PDE4D: variants seen among roughly 807,000 people sequenced by gnomAD.
PDE4D encodes the protein 3',5'-cyclic-AMP phosphodiesterase 4D.
PDE4D carries 24 observed loss-of-function variants against 87.4 expected under a neutral mutation model. The observed-to-expected ratio is 0.27, with a 90% CI of 0.20 to 0.39. The LOEUF is 0.39. Ranked by LOEUF, PDE4D falls within the 10% of genes least tolerant of loss-of-function variation. The pLI is 1.00. For missense variants in PDE4D, 714 were observed against 1,041.0 expected (o/e 0.69, Z 4.32); for synonymous variants, 384 against 383.2 (o/e 1.00, Z -0.02).
chr5:60,335,210 G>A (rs1757643183), intron 1 of PDE4D: 1 of 152,240 alleles, frequency 6.6e-6, no homozygotes, highest in African/African-American at 2.4e-5. Flanking sequence ...TTGCAATAGG[G>A]AAGGGAGTGC....
At chr5:60,380,219 G>A (rs1234676624) in intron 1 of PDE4D, among the ~76,000 whole-genome samples, 1 of 152,234 alleles carries the variant, frequency 6.6e-6, no homozygotes, top group Non-Finnish European at 1.5e-5. Context: ...TGAACTTAGT[G>A]ATGGTCAGCA....
chr5:59,525,082 A>G (rs1812855730), intron 1 of PDE4D, among the ~76,000 whole-genome samples: 2 of 152,164 alleles, frequency 1.3e-5, no homozygotes, highest in Admixed American at 6.5e-5. Context: ...TGCATAGTGG[A>G]GCTGTGAGAA....
At chr5:59,421,427 A>G (rs1467053549) in intron 1 of PDE4D, among the ~76,000 whole-genome samples, 1 of 152,174 alleles carries the variant, frequency 6.6e-6, no homozygotes, top group Non-Finnish European at 1.5e-5. Context: ...AGGCTCTTAC[A>G]GTAGTTCACA....
At chr5:59,089,957 T>C (rs902834383) in intron 5 of PDE4D, among the ~76,000 whole-genome samples, 3 of 152,100 alleles carry the variant, frequency 2.0e-5, no homozygotes, top group Admixed American at 1.3e-4. Flanking sequence ...ACTGACCACG[T>C]CAAGCTGCAC....
At chr5:59,228,248 A>C (rs945602718) in intron 1 of PDE4D, among the ~76,000 whole-genome samples, 1 of 152,060 alleles carries the variant, frequency 6.6e-6, no homozygotes, top group African/African-American at 2.4e-5. Context: ...ACTGGGGCCA[A>C]CTTGAGGATG....
chr5:60,008,384 CT>C (rs1764684533), intron 2 of PDE4D, among the ~76,000 whole-genome samples: 2 of 152,002 alleles, frequency 1.3e-5, no homozygotes, highest in Non-Finnish European at 2.9e-5. Context: ...AATGAGACAT[CT>C]ACTAATTTTG....
At chr5:59,737,943 A>C (rs1758303715) in intron 1 of PDE4D, among the ~76,000 whole-genome samples, 1 of 152,116 alleles carries the variant, frequency 6.6e-6, no homozygotes, top group African/African-American at 2.4e-5. Context: ...TATTTCTCAA[A>C]ACACATTTGT....
rs548574909 is a variant in PDE4D at position 60,431,665 on chromosome 5, C to T, written c.-90+56277G>A. ...GCAGAGACGCTCCTCACTTCCCAGA[C>T]GGGGTGGCAGCCGGGCAGAGGCTGC... On this transcript the variant is annotated intron_variant, in intron 1 of 16. Coordinates refer to the PDE4D transcript ENST00000502484. Among the ~76,000 whole-genome samples the T allele has an allele frequency of 1.1e-3, 164 of 152,082 alleles. 1 individual carries two copies. The highest frequency in any genetic ancestry group is 3.5e-3 in the African/African-American group (147 of 41,512).
chr5:59,507,326 T>C (rs1809437402), intron 1 of PDE4D, among the ~76,000 whole-genome samples: 1 of 151,856 alleles, frequency 6.6e-6, no homozygotes, highest in Non-Finnish European at 1.5e-5. Context: ...AGTGGAACTC[T>C]TTCTCAAACA....
chr5:60,489,311 A>G (rs150488954), upstream of PDE4D, among the ~76,000 whole-genome samples: 227 of 152,362 alleles, frequency 1.5e-3, 1 homozygote, highest in Non-Finnish European at 2.0e-3. Context: ...TTATGCTTTC[A>G]TAGTGACGAT....
chr5:59,391,719 C>G (rs1207622108), intron 1 of PDE4D, among the ~76,000 whole-genome samples: 3 of 151,978 alleles, frequency 2.0e-5, no homozygotes, highest in Admixed American at 6.6e-5. Context: ...CTCCAGCCAC[C>G]AGGACCTTCT....
chr5:60,161,136 G>A (rs1782442021), intron 2 of PDE4D, among the ~76,000 whole-genome samples: 1 of 152,132 alleles, frequency 6.6e-6, no homozygotes, highest in South Asian at 2.1e-4. Flanking sequence ...GACACTGAGA[G>A]AAGGGCCGCA....
At chr5:60,067,495 A>T (rs1448742144) in intron 2 of PDE4D, among the ~76,000 whole-genome samples, 1 of 152,146 alleles carries the variant, frequency 6.6e-6, no homozygotes, top group East Asian at 1.9e-4. Flanking sequence ...AGAAATTCTA[A>T]TTGAGTTTAA....
intron 5 of PDE4D, among the ~76,000 whole-genome samples, chr5:59,158,245 C>A (rs1303203293): frequency 6.6e-6 from 1 of 152,106 alleles, no homozygotes; most frequent in African/African-American, 2.4e-5. Context: ...TTTTAGCAAG[C>A]AAAATAATAG....
chr5:59,623,918 T>C (rs1830604262), intron 1 of PDE4D, among the ~76,000 whole-genome samples: 1 of 152,236 alleles, frequency 6.6e-6, no homozygotes, highest in Non-Finnish European at 1.5e-5. Flanking sequence ...CTAACATTTC[T>C]GTGCATTTAT....
At chr5:60,472,612 T>C (rs1039351577) in intron 1 of PDE4D, among the ~76,000 whole-genome samples, 13 of 152,144 alleles carry the variant, frequency 8.5e-5, no homozygotes, top group Non-Finnish European at 1.6e-4. Flanking sequence ...CAAATCTTAT[T>C]GTGTTCAACT....
intron 1 of PDE4D, among the ~76,000 whole-genome samples, chr5:59,252,432 C>G (rs1581615668): frequency 6.6e-6 from 1 of 152,120 alleles, no homozygotes; most frequent in Admixed American, 6.6e-5. Flanking sequence ...CCCAACTAAC[C>G]AGGTGTGTAA....
Position 59,257,601 on chromosome 5 carries a change from C to A in PDE4D, c.456-41633G>T, listed in dbSNP as rs550468805. ...TTACATTTAGAACTCAGATCAGAGG[C>A]AAATTTAGCTCAGAGAGGCATTAGA... On this transcript the variant is annotated intron_variant, in intron 1 of 14. Transcript: ENST00000340635. 2.0e-5 allele frequency among the ~76,000 whole-genome samples: 3 copies of A among 152,074 alleles called. No homozygotes were observed. The South Asian group carries it at 6.2e-4, about 32-fold the overall frequency.
chr5:60,313,760 A>C (rs1755266334), intron 1 of PDE4D, among the ~76,000 whole-genome samples: 1 of 152,246 alleles, frequency 6.6e-6, no homozygotes, highest in Admixed American at 6.5e-5. Flanking sequence ...AGTAGACTTT[A>C]TCCCTGGGAT....
Sources: gnomAD v4.1 joint callset for allele counts (sites outside exome capture counted in the v4.1 genomes callset) on GRCh38, gnomAD v4.1.1 for gene constraint, MANE v1.5 for transcripts, NCBI Gene and HGNC (gene_info 2026-07-23, HGNC 2026-07-21) for gene names.